The following SEMA3D variants were observed in gnomAD, a reference collection of about 807,000 sequenced individuals.
SEMA3D encodes the protein semaphorin 3D.
In SEMA3D, 84 loss-of-function variants were observed where a neutral mutation model predicts 100.1. That is an observed-to-expected ratio of 0.84 (90% CI 0.70 to 1.01). The LOEUF is 1.01. Ranked by LOEUF, SEMA3D falls within the 50% of genes least tolerant of loss-of-function variation. The pLI, the probability that SEMA3D is intolerant of heterozygous loss-of-function variation, is 0.00. For synonymous variants in SEMA3D, 312 were observed against 320.7 expected (o/e 0.97, Z 0.29); for missense variants, 875 against 934.1 (o/e 0.94, Z 0.82).
At chr7:85,111,735 A>G (rs900604274) in intron 3 of SEMA3D, among the ~76,000 whole-genome samples, 2 of 152,158 alleles carry the variant, frequency 1.3e-5, no homozygotes, top group African/African-American at 4.8e-5. Context: ...TAATACTCAG[A>G]CTAAATGCCA....
chr7:85,222,180 G>T, the SEMA3D span, among the ~76,000 whole-genome samples: 2 of 151,982 alleles, frequency 1.3e-5, no homozygotes, highest in Non-Finnish European at 2.9e-5. Flanking sequence ...CTAACCCTGA[G>T]AAGTTAAACA....
chr7:85,053,835 T>C lies in SEMA3D; in HGVS notation c.861+1882A>G, dbSNP rs77585067. 3.5e-3 allele frequency among the ~76,000 whole-genome samples: 536 copies of C among 152,102 alleles called. 3 individuals are homozygous for C. Among genetic ancestry groups the C allele is most frequent in the African/African-American group, 0.013 (521 of 41,540 alleles). On this transcript the variant is annotated intron_variant, in intron 9 of 18. Coordinates refer to ENST00000284136, the MANE Select transcript of SEMA3D (RefSeq NM_001384900.1). Reference sequence around the variant, plus strand: ...TTTTAAAAAATAAATTCATCCATCATATATTCTTTTTTGATCTCACAATTT... The same window carrying C: ...TTTTAAAAAATAAATTCATCCATCACATATTCTTTTTTGATCTCACAATTT...
intron 2 of SEMA3D, among the ~76,000 whole-genome samples, chr7:85,133,915 T>C (rs1789792273): frequency 6.6e-6 from 1 of 151,976 alleles, no homozygotes; most frequent in South Asian, 2.1e-4. Context: ...ATAGCAAGTA[T>C]TTTCTAAAGA....
intron 16 of SEMA3D, among the ~76,000 whole-genome samples, chr7:85,014,539 A>C (rs908314161): frequency 2.0e-5 from 3 of 151,802 alleles, no homozygotes; most frequent in Non-Finnish European, 4.4e-5. Flanking sequence ...ACAGCAAGGA[A>C]ACCGTTTGTT....
At chr7:85,192,425 T>C in the SEMA3D span, among the ~76,000 whole-genome samples, 91 of 151,998 alleles carry the variant, frequency 6.0e-4, no homozygotes, top group Non-Finnish European at 1.1e-3. Flanking sequence ...AAAAATAAAA[T>C]ATTTACCATC....
chr7:85,238,741 C>T, the SEMA3D span, among the ~76,000 whole-genome samples: 3,952 of 152,178 alleles, frequency 0.026, 183 homozygotes, highest in African/African-American at 0.09. Flanking sequence ...ACTTTCTGAG[C>T]TATTGTTTGG....
chr7:85,136,500 C>T (rs1404634320), intron 2 of SEMA3D, among the ~76,000 whole-genome samples: 3 of 151,906 alleles, frequency 2.0e-5, no homozygotes, highest in Non-Finnish European at 4.4e-5. Flanking sequence ...CAATGTAGCG[C>T]AATATGGTAA....
At chr7:85,249,983 G>C in the SEMA3D span, among the ~76,000 whole-genome samples, 2 of 152,254 alleles carry the variant, frequency 1.3e-5, no homozygotes, top group East Asian at 3.9e-4. Context: ...GGAAGTGCCA[G>C]AGAGTGGGCC....
chr7:85,004,746 A>G (rs1423524000), intron 18 of SEMA3D, among the ~76,000 whole-genome samples: 1 of 152,070 alleles, frequency 6.6e-6, no homozygotes, highest in Non-Finnish European at 1.5e-5. Flanking sequence ...TGCTTCAAGT[A>G]TAATCTGGAT....
chr7:85,061,929 T>C (rs1791489200), intron 8 of SEMA3D, among the ~76,000 whole-genome samples: 1 of 152,182 alleles, frequency 6.6e-6, no homozygotes, highest in South Asian at 2.1e-4. Flanking sequence ...GAACTCCATC[T>C]TCTCTATCTG....
At chr7:85,211,990 A>G in the SEMA3D span, among the ~76,000 whole-genome samples, 2 of 152,138 alleles carry the variant, frequency 1.3e-5, no homozygotes, top group Non-Finnish European at 2.9e-5. Context: ...AAGTTTTTGG[A>G]GAGTCAAAAG....
At chr7:85,018,921 C>G (rs1050097953) in intron 14 of SEMA3D, among the ~76,000 whole-genome samples, 1 of 151,708 alleles carries the variant, frequency 6.6e-6, no homozygotes. Flanking sequence ...AATTTTCCAT[C>G]TACCTATCAT....
intron 3 of SEMA3D, among the ~76,000 whole-genome samples, chr7:85,119,364 T>G (rs1789341623): frequency 6.6e-6 from 1 of 152,134 alleles, no homozygotes; most frequent in South Asian, 2.1e-4. Context: ...GGAATCAACC[T>G]AAATGCCCAT....
chr7:85,217,353 A>G, the SEMA3D span, among the ~76,000 whole-genome samples: 1 of 152,086 alleles, frequency 6.6e-6, no homozygotes, highest in African/African-American at 2.4e-5. Context: ...TACATGCTTC[A>G]GTAATACTCC....
chr7:85,133,618 C>A (rs1789785181), intron 2 of SEMA3D, among the ~76,000 whole-genome samples: 1 of 151,846 alleles, frequency 6.6e-6, no homozygotes, highest in Non-Finnish European at 1.5e-5. Context: ...CTTGAATTTT[C>A]CAGGGATTGC....
chr7:85,178,055 T>C (rs1791287717), intron 1 of SEMA3D, among the ~76,000 whole-genome samples: 1 of 152,122 alleles, frequency 6.6e-6, no homozygotes, highest in African/African-American at 2.4e-5. Flanking sequence ...TGCACTTCTA[T>C]CTCCTGCTGC....
At chr7:85,195,483 CT>C in the SEMA3D span, among the ~76,000 whole-genome samples, 1 of 152,062 alleles carries the variant, frequency 6.6e-6, no homozygotes, top group African/African-American at 2.4e-5. Flanking sequence ...GAGTCGCTCT[CT>C]CATCCAGGCT....
At chr7:85,056,033 T>C (rs1284630490) in intron 8 of SEMA3D, among the ~76,000 whole-genome samples, 174 bp from the exon 9 acceptor site, 1 of 152,000 alleles carries the variant, frequency 6.6e-6, no homozygotes. Context: ...TGTAGAAATA[T>C]GTATCAGCAT....
the SEMA3D span, among the ~76,000 whole-genome samples, chr7:85,249,133 C>G: frequency 6.6e-6 from 1 of 152,116 alleles, no homozygotes; most frequent in African/African-American, 2.4e-5. Context: ...ATCCTAAAAT[C>G]ACTCTAAACT....
Sources: gnomAD v4.1 joint callset for allele counts (sites outside exome capture counted in the v4.1 genomes callset) on GRCh38, gnomAD v4.1.1 for gene constraint, MANE v1.5 for transcripts, NCBI Gene and HGNC (gene_info 2026-07-23, HGNC 2026-07-21) for gene names.